The following RDH16 variants were observed in gnomAD, a reference collection of about 807,000 sequenced individuals.
RDH16 encodes the protein human epidermal retinol dehydrogenase.
In RDH16, 25 loss-of-function variants were observed where a neutral mutation model predicts 22.3. The ratio of observed to expected loss-of-function variants is 1.12; its 90% CI spans 0.82 to 1.56. The LOEUF (loss-of-function observed/expected upper bound fraction) is 1.56, where lower values mean the gene tolerates loss of function less well. RDH16 is among the 40% of genes most tolerant of loss of function. The probability of loss-of-function intolerance (pLI) is 0.00; values close to 1 mark genes in which losing one functional copy is unlikely to be tolerated. For synonymous variants in RDH16, 154 were observed against 164.4 expected (o/e 0.94, Z 0.48); for missense variants, 413 against 394.9 (o/e 1.05, Z -0.39).
Position 56,952,185 on chromosome 12 carries a change from G to C in RDH16, c.798C>G (p.Asn266Lys). ...KCTQDLSLVT[N>K]CMEHALIACH... Reference sequence around the variant, plus strand: ...AGGCAATCAGCGCATGCTCCATGCAGTTGGTCACCAACGACAGATCCTGTG... The same window carrying C: ...AGGCAATCAGCGCATGCTCCATGCACTTGGTCACCAACGACAGATCCTGTG... The change falls in exon 4 of 4, where the codon AAC becomes AAG. Residue 266 changes from asparagine to lysine, a missense_variant. Asn to Lys is a moderately conservative substitution (Grantham distance 94). Coordinates refer to ENST00000398138, the MANE Select transcript of RDH16 (RefSeq NM_003708.5). 1 of 1,614,204 alleles carries C rather than the reference G, an allele frequency of 6.2e-7. No homozygotes were observed. Among genetic ancestry groups the C allele is most frequent in the Non-Finnish European group, 8.5e-7 (1 of 1,180,034 alleles).
chr12:56,952,886 A>G lies in RDH16; in HGVS notation c.677T>C (p.Ile226Thr), dbSNP rs1193879706. The change falls in exon 3 of 4, where the codon ATT (isoleucine) becomes ACT (threonine). Residue 226 changes from isoleucine to threonine, a missense_variant. Transcript: ENST00000398138. ...GACCTCTGGACTGGACCGGTCCCAA[A>G]TCTCCAGGAAGCTCTTTAAGAATCT... ...KERFLKSFLE[I>T]WDRSSPEVKE... 7 of 1,614,014 alleles carry G rather than the reference A, an allele frequency of 4.3e-6. No homozygotes were observed. The highest frequency in any genetic ancestry group is 5.9e-6 in the Non-Finnish European group (7 of 1,179,992).
chr12:56,957,327 C>T lies in RDH16; in HGVS notation c.136G>A (p.Ala46Thr). ...GCDSGFGKLL[A>T]RQLDARGLRV... The stretch of plus-strand genomic sequence containing the variant: ...AAGCCTCGTGCATCCAGCTGTCTGG[C>T]CAGCAGTTTCCCGAAGCCAGAGTCA... The change falls in exon 1 of 4, where the codon GCC becomes ACC. Residue 46 changes from alanine to threonine, a missense_variant. Physicochemically the swap from Ala to Thr is moderately conservative, Grantham distance 58 (BLOSUM62 0). Coordinates refer to ENST00000398138, the MANE Select transcript of RDH16 (RefSeq NM_003708.5). 2 of 1,614,192 alleles carry T rather than the reference C, an allele frequency of 1.2e-6. No homozygotes were observed. Among genetic ancestry groups the T allele is most frequent in the Non-Finnish European group, 1.7e-6 (2 of 1,180,040 alleles).
Position 56,951,911 on chromosome 12 carries a change from TG to T in RDH16, c.*117del, listed in dbSNP as rs1955882435. The T allele has an allele frequency of 1.4e-6, 1 of 722,106 alleles. No homozygotes were observed. Among genetic ancestry groups the T allele is most frequent in the Non-Finnish European group, 2.4e-6 (1 of 422,602 alleles). 44.7% of individuals were successfully genotyped at this position (722,106 alleles called of 1,614,324 possible). A position where few individuals can be genotyped will look rare whatever the true frequency, so the allele number is the denominator to read the frequency against. ...CATGGCCAGGAGGTAATGAAGGAGG[TG>T]GGATTGGTGCCCTACTGACCGGACG... On this transcript the variant is annotated 3_prime_UTR_variant, in exon 4 of 4. Coordinates refer to ENST00000398138, the MANE Select transcript of RDH16 (RefSeq NM_003708.5).
rs1274529590 is a variant in RDH16, at chr12:56,952,246, T to C, written c.737A>G (p.Tyr246Cys). The part of the protein sequence containing the change: ...EAYGEKFVAD[Y>C]KKSAEQMEQK... ...CTCCATTTGTTCAGCTGATTTCTTA[T>C]CTGTTAAGAATCAGAAACAATCCAT... is the stretch of plus-strand genomic sequence containing the variant. The change falls in exon 4 of 4, where the codon TAT (tyrosine) becomes TGT (cysteine). Residue 246 changes from tyrosine to cysteine, a missense_variant and splice_region_variant. Coordinates refer to ENST00000398138, the MANE Select transcript of RDH16 (RefSeq NM_003708.5). 1.9e-6 allele frequency: 3 copies of C among 1,613,484 alleles called. No homozygotes were observed. The highest frequency in any genetic ancestry group is 1.7e-6 in the Non-Finnish European group (2 of 1,179,526).
rs1219625176 is a variant in RDH16 at position 56,952,679 on chromosome 12, C to A, written c.736+148G>T. 4 of 962,492 alleles carry A rather than the reference C, an allele frequency of 4.2e-6. No homozygotes were observed. The African/African-American group carries it at 4.9e-5, about 12-fold the overall frequency. The allele number at this position is 962,492 out of a possible 1,614,324, so 59.6% of individuals were successfully genotyped here. On this transcript the variant is annotated intron_variant, in intron 3 of 3. Transcript: ENST00000398138. ...TTCATGACCAGTTGACCACACAGCA[C>A]CCATCATGGAAATGGGGCTAAAGGT... is the stretch of plus-strand genomic sequence containing the variant.
rs200197274 is a variant in RDH16, at chr12:56,955,005, C to T, written c.473G>A (p.Arg158His). ...LLPLVRRARGRVVNVSSVMGR... is the reference protein window; with the variant it reads ...LLPLVRRARGHVVNVSSVMGR... ...CATGACACTGGAGACGTTGACCACA[C>T]GGCCCCTGGCCCTCCTCACTAAGGG... is the stretch of plus-strand genomic sequence containing the variant. Residue 158 changes from arginine (R) to histidine (H), a missense_variant, in exon 2 of 4, where the codon CGT (arginine) becomes CAT (histidine). Physicochemically the swap from Arg to His is conservative, Grantham distance 29. Coordinates refer to ENST00000398138, the MANE Select transcript of RDH16 (RefSeq NM_003708.5). The T allele has an allele frequency of 6.1e-5, 99 of 1,614,190 alleles. No homozygotes were observed. Among genetic ancestry groups the T allele is most frequent in the East Asian group, 6.0e-4 (27 of 44,880 alleles).
At position 56,957,174 on chromosome 12, in the gene RDH16, C is replaced by T. The variant is rs772411066; in HGVS notation, c.289G>A (p.Val97Met). 2 of 1,613,046 alleles carry T rather than the reference C, an allele frequency of 1.2e-6. No individual in the cohort carries two copies. Among genetic ancestry groups the T allele is most frequent in the South Asian group, 2.2e-5 (2 of 91,002 alleles). ...TESVAAAAQW[V>M]KECVRDKGLW... is the part of the protein sequence containing the mutation. ...CCTTTGTCTCTCACGCACTCCTTCA[C>T]CCACTGGGCGGCTGCAGCAACGCTC... Residue 97 changes from valine (V) to methionine (M), a missense_variant, in exon 1 of 4, where the codon GTG becomes ATG. Val to Met is a conservative substitution (Grantham distance 21). Transcript: ENST00000398138.
At chr12:56,955,550 A>C (rs1201856222) in intron 1 of RDH16, among the ~76,000 whole-genome samples, 1 of 152,176 alleles carries the variant, frequency 6.6e-6, no homozygotes, top group Non-Finnish European at 1.5e-5. Context: ...CTGCATTTTC[A>C]GGTGTGCTAA....
At position 56,952,159 on chromosome 12, in the gene RDH16, C is replaced by G; in HGVS notation, c.824G>C (p.Cys275Ser). The G allele has an allele frequency of 1.2e-6, 2 of 1,614,160 alleles. No homozygotes were observed. Among genetic ancestry groups the G allele is most frequent in the Non-Finnish European group, 1.7e-6 (2 of 1,180,014 alleles). ...AGCTGAGTAGCGAGTACGGGGGTGG[C>G]AGGCAATCAGCGCATGCTCCATGCA... ...TNCMEHALIA[C>S]HPRTRYSAGW... is the part of the protein sequence containing the mutation. Residue 275 changes from cysteine (C) to serine (S), a missense_variant, in exon 4 of 4, where the codon TGC becomes TCC. Physicochemically the swap from Cys to Ser is moderately radical, Grantham distance 112. Coordinates refer to ENST00000398138, the MANE Select transcript of RDH16 (RefSeq NM_003708.5).
chr12:56,957,051 T>C (rs1264691026), intron 1 of RDH16, 99 bp downstream of exon 1: 1 of 1,234,346 alleles, frequency 8.1e-7, no homozygotes, highest in East Asian at 2.3e-5. Flanking sequence ...TACTTCAACC[T>C]GGAAAGACAC....
At chr12:56,953,653 G>C (rs1045088592) in intron 2 of RDH16, among the ~76,000 whole-genome samples, 2 of 152,182 alleles carry the variant, frequency 1.3e-5, no homozygotes, top group Non-Finnish European at 2.9e-5. Context: ...TGCAGTACAT[G>C]CAGGTGGCTA....
At chr12:56,953,340 TG>T (rs1314932253) in intron 2 of RDH16, among the ~76,000 whole-genome samples, 3 of 152,216 alleles carry the variant, frequency 2.0e-5, no homozygotes, top group Non-Finnish European at 4.4e-5. Context: ...CTCGTTTTCC[TG>T]CCCCAGGAAT....
chr12:56,953,585 A>T (rs75742058), intron 2 of RDH16, among the ~76,000 whole-genome samples: 155 of 152,268 alleles, frequency 1.0e-3, no homozygotes, highest in African/African-American at 3.5e-3. Flanking sequence ...CCCACCTATG[A>T]CCACCTGCCC....
In RDH16 at chr12:56,953,512, G is replaced by A. The variant is rs116703899; in HGVS notation, c.573-522C>T. Among the ~76,000 whole-genome samples the A allele has an allele frequency of 6.6e-3, 1,008 of 152,316 alleles. 15 individuals are homozygous for A. The highest frequency in any genetic ancestry group is 0.023 in the African/African-American group (950 of 41,566). ...CCCTGAGCAAATCCCTTTTCTGGAG[G>A]GGGTTCCACTGCCAACAGCATAAGC... On this transcript the variant is annotated intron_variant, in intron 2 of 3. Transcript: ENST00000398138.
At chr12:56,952,544 C>A (rs1242377121) in intron 3 of RDH16, among the ~76,000 whole-genome samples, 1 of 152,188 alleles carries the variant, frequency 6.6e-6, no homozygotes, top group East Asian at 1.9e-4. Flanking sequence ...CTAATGCCAG[C>A]TTGTGATCAG....
chr12:56,955,520 C>A (rs144408173), intron 1 of RDH16, among the ~76,000 whole-genome samples: 21 of 152,264 alleles, frequency 1.4e-4, no homozygotes, highest in Non-Finnish European at 3.1e-4. Context: ...ATGAATGTTG[C>A]AGACATTACA....
At position 56,952,332 on chromosome 12, in the gene RDH16, G is replaced by T; in HGVS notation, c.737-86C>A. 16 of 1,275,598 alleles carry T rather than the reference G, an allele frequency of 1.3e-5. No individual in the cohort carries two copies. In the South Asian group the frequency reaches 1.9e-4, roughly 15 times the overall value. The allele number at this position is 1,275,598 out of a possible 1,614,324, so 79.0% of individuals were successfully genotyped here. On this transcript the variant is annotated intron_variant, in intron 3 of 3. Coordinates refer to ENST00000398138, the MANE Select transcript of RDH16 (RefSeq NM_003708.5). Reference sequence around the variant, plus strand: ...TCAACTTAGAGTGGAAAGGGTCTAAGAACTCATGCCACCCCACAACCCCCA... The same window carrying T: ...TCAACTTAGAGTGGAAAGGGTCTAATAACTCATGCCACCCCACAACCCCCA...
In RDH16 at chr12:56,951,832, C is replaced by G; in HGVS notation, c.*197G>C. ...TGGTCCCTGTTTCTCAGCTGCGTAA[C>G]TTGAAACTTTCCTACCAACATCTCC... is the stretch of plus-strand genomic sequence containing the variant. On this transcript the variant is annotated 3_prime_UTR_variant, in exon 4 of 4. Transcript: ENST00000398138. 1 of 599,158 alleles carries G rather than the reference C, an allele frequency of 1.7e-6. No individual in the cohort carries two copies. Among genetic ancestry groups the G allele is most frequent in the Non-Finnish European group, 3.0e-6 (1 of 337,960 alleles). The allele number at this position is 599,158 out of a possible 1,614,324, so 37.1% of individuals were successfully genotyped here.
At position 56,957,509 on chromosome 12, in the gene RDH16, TC is replaced by T; in HGVS notation, c.-48del. 2 of 1,559,416 alleles carry T rather than the reference TC, an allele frequency of 1.3e-6. No homozygotes were observed. The highest frequency in any genetic ancestry group is 8.7e-7 in the Non-Finnish European group (1 of 1,146,350). ...AGACAGGCTGTGGGGGAAACCAGAG[TC>T]TGGCCTCTGTTCAGACAGGAGGATT... On this transcript the variant is annotated 5_prime_UTR_variant, in exon 1 of 4. Transcript: ENST00000398138.
Sources: allele counts gnomAD v4.1 joint callset (sites outside exome capture counted in the v4.1 genomes callset), GRCh38; gene constraint gnomAD v4.1.1; transcripts MANE v1.5; gene names NCBI Gene and HGNC (gene_info 2026-07-23, HGNC 2026-07-21).